The following ADGRE1 variants were observed in gnomAD, a reference collection of about 807,000 sequenced individuals.
ADGRE1 encodes EGF-like module receptor 1.
ADGRE1 carries 82 observed loss-of-function variants against 102.7 expected under a neutral mutation model. The observed-to-expected ratio is 0.80, with a 90% CI of 0.67 to 0.96. The LOEUF (loss-of-function observed/expected upper bound fraction) is 0.96. Ranked by LOEUF, ADGRE1 falls within the 40% of genes least tolerant of loss-of-function variation. The probability of loss-of-function intolerance (pLI) is 0.00; values close to 1 mark genes in which losing one functional copy is unlikely to be tolerated. For missense variants in ADGRE1, 1,032 were observed against 1,085.3 expected, an observed-to-expected ratio of 0.95 and a Z score of 0.69; for synonymous variants, 398 against 399.6, an observed-to-expected ratio of 1.00 and a Z score of 0.05.
intron 8 of ADGRE1, among the ~76,000 whole-genome samples, chr19:6,905,006 T>C (rs918542292): frequency 6.6e-6 from 1 of 151,788 alleles, no homozygotes; most frequent in African/African-American, 2.4e-5. Flanking sequence ...ACATATCTGA[T>C]GAAGTGGACA....
At chr19:6,935,169 T>C in intron 18 of ADGRE1, 91 bp downstream of exon 18, 1 of 934,104 alleles carries the variant, frequency 1.1e-6, no homozygotes. Flanking sequence ...TGCTGGGTCC[T>C]ATGCCTGAGA....
rs903291990 is a variant in ADGRE1 at position 6,924,824 on chromosome 19, C to G, written c.1938C>G (p.Leu646=). The part of the protein sequence containing the change: ...YLHLHLCVCL[L]LAKTLFLAGI... ...ACCTGCACCTCTGCGTGTGTCTCCT[C>G]TTGGCGAAGACTCTCTTCCTCGCCG... The change falls in exon 15 of 21, where the codon CTC becomes CTG. Residue 646 remains leucine, a synonymous_variant. Transcript: ENST00000312053. The G allele has an allele frequency of 1.2e-6, 2 of 1,614,052 alleles. No homozygotes were observed. Among genetic ancestry groups the G allele is most frequent in the Non-Finnish European group, 1.7e-6 (2 of 1,180,046 alleles).
intron 12 of ADGRE1, among the ~76,000 whole-genome samples, chr19:6,917,433 G>C (rs1435758275): frequency 6.6e-6 from 1 of 152,020 alleles, no homozygotes; most frequent in African/African-American, 2.4e-5. Context: ...GAATGTGGGG[G>C]AGAGAGGGAA....
chr19:6,924,761 G>A lies in ADGRE1; in HGVS notation c.1875G>A (p.Leu625=), dbSNP rs1255053367. ...TCGTCTTGGCCATCGCCACCTTTCT[G>A]CTGTGTCGCTCCATCCGAAATCACA... is the stretch of plus-strand genomic sequence containing the variant. ...VCLVLAIATF[L]LCRSIRNHNT... The change falls in exon 15 of 21, where the codon CTG becomes CTA. Residue 625 remains leucine (L), a synonymous_variant. Coordinates refer to ENST00000312053, the MANE Select transcript of ADGRE1 (RefSeq NM_001974.5). The A allele has an allele frequency of 1.2e-6, 2 of 1,613,912 alleles. No homozygotes were observed. The highest frequency in any genetic ancestry group is 8.5e-7 in the Non-Finnish European group (1 of 1,180,024).
At chr19:6,936,207 C>T (rs369382528) in intron 18 of ADGRE1, among the ~76,000 whole-genome samples, 3 of 152,224 alleles carry the variant, frequency 2.0e-5, no homozygotes, top group East Asian at 3.9e-4. Flanking sequence ...GAGGCTGAGG[C>T]AGGTGGATCA....
Position 6,903,846 on chromosome 19 carries a change from C to T in ADGRE1, c.698C>T (p.Ser233Leu), listed in dbSNP as rs757286816. Residue 233 changes from serine to leucine, a missense_variant, in exon 7 of 21, where the codon TCA becomes TTA. Coordinates refer to ENST00000312053, the MANE Select transcript of ADGRE1 (RefSeq NM_001974.5). Reference sequence around the variant, plus strand: ...TGCACTGAAATGTGCCCCATCAATTCAACATGCACCAACACTCCTGGGAGC... The same window carrying T: ...TGCACTGAAATGTGCCCCATCAATTTAACATGCACCAACACTCCTGGGAGC... ...DECTEMCPIN[S>L]TCTNTPGSYF... 2.5e-6 allele frequency: 4 copies of T among 1,614,180 alleles called. No homozygotes were observed. The South Asian group carries it at 3.3e-5, about 13-fold the overall frequency.
chr19:6,910,315 C>A (rs1344068397), intron 10 of ADGRE1, among the ~76,000 whole-genome samples: 1 of 151,942 alleles, frequency 6.6e-6, no homozygotes, highest in Non-Finnish European at 1.5e-5. Flanking sequence ...CCCGCTCCAC[C>A]CAAATTTCAA....
intron 10 of ADGRE1, among the ~76,000 whole-genome samples, chr19:6,911,894 A>G (rs562158574): frequency 2.6e-5 from 4 of 150,958 alleles, no homozygotes; most frequent in Non-Finnish European, 5.9e-5. Context: ...ACACACATAC[A>G]CCCCACACAC....
At position 6,928,084 on chromosome 19, in the gene ADGRE1, G is replaced by C. The variant is rs138165138; in HGVS notation, c.2223-61G>C. On this transcript the variant is annotated intron_variant, in intron 16 of 20. Coordinates refer to ENST00000312053, the MANE Select transcript of ADGRE1 (RefSeq NM_001974.5). ...CTCCACTAGGGCATTTGTTGGGACA[G>C]GGTTAACTGTAAGGTCAGGACTCTG... 473 of 1,568,238 alleles carry C rather than the reference G, an allele frequency of 3.0e-4. 1 individual carries two copies. The highest frequency in any genetic ancestry group is 1.6e-3 in the Middle Eastern group (9 of 5,626).
At chr19:6,923,852 C>CTTTTTTTTTTTTTT (rs2144991050) in intron 14 of ADGRE1, among the ~76,000 whole-genome samples, 1 of 150,356 alleles carries the variant, frequency 6.7e-6, no homozygotes, top group Non-Finnish European at 1.5e-5. Flanking sequence ...GGTCAGTTTT[C>CTTTTTTTTTTTTTT]TTAACCACTT....
At chr19:6,925,561 G>A (rs1974863444) in intron 15 of ADGRE1, among the ~76,000 whole-genome samples, 1 of 152,088 alleles carries the variant, frequency 6.6e-6, no homozygotes. Context: ...TAAAGGTTAG[G>A]GATACTGCTA....
chr19:6,916,380 C>G lies in ADGRE1; in HGVS notation c.1420+12C>G. The G allele has an allele frequency of 6.2e-7, 1 of 1,609,396 alleles. No homozygotes were observed. The highest frequency in any genetic ancestry group is 8.5e-7 in the Non-Finnish European group (1 of 1,177,724). Reference sequence around the variant, plus strand: ...ATCTGAATCCACAGGTACAGGTCCTCTCCTGAGAATGCAGGTTATGGTGTA... The same window carrying G: ...ATCTGAATCCACAGGTACAGGTCCTGTCCTGAGAATGCAGGTTATGGTGTA... On this transcript the variant is annotated intron_variant, in intron 12 of 20. Coordinates refer to ENST00000312053, the MANE Select transcript of ADGRE1 (RefSeq NM_001974.5).
At chr19:6,916,448 A>G in intron 12 of ADGRE1, 80 bp downstream of exon 12, 5 of 1,524,440 alleles carry the variant, frequency 3.3e-6, no homozygotes, top group Non-Finnish European at 3.5e-6. Flanking sequence ...AGGTGCCAAG[A>G]CCAGTGCCAG....
intron 12 of ADGRE1, among the ~76,000 whole-genome samples, chr19:6,917,960 G>A (rs1974461934): frequency 6.6e-6 from 1 of 152,118 alleles, no homozygotes; most frequent in Admixed American, 6.6e-5. Context: ...TTGTGAGGAA[G>A]CCAGTGGTCT....
rs949677797 is a variant in ADGRE1 at position 6,897,719 on chromosome 19, T to G, written c.514+172T>G. 3 of 647,360 alleles carry G rather than the reference T, an allele frequency of 4.6e-6. No individual in the cohort carries two copies. The African/African-American group carries it at 5.7e-5, about 12-fold the overall frequency. The allele number at this position is 647,360 out of a possible 1,614,324, so 40.1% of individuals were successfully genotyped here. A position where few individuals can be genotyped will look rare whatever the true frequency, so the allele number is the denominator to read the frequency against. Reference sequence around the variant, plus strand: ...TTTCTATCCCTTTACTTTGAGCCTGTGGGTGTCTTTACATGCTAGGTAGGT... The same window carrying G: ...TTTCTATCCCTTTACTTTGAGCCTGGGGGTGTCTTTACATGCTAGGTAGGT... On this transcript the variant is annotated intron_variant, in intron 5 of 20. Coordinates refer to ENST00000312053, the MANE Select transcript of ADGRE1 (RefSeq NM_001974.5).
chr19:6,929,092 T>G (rs1170844600), intron 17 of ADGRE1, among the ~76,000 whole-genome samples: 1 of 152,174 alleles, frequency 6.6e-6, no homozygotes, highest in African/African-American at 2.4e-5. Flanking sequence ...TGTGCACAGG[T>G]CCATGAGTCT....
chr19:6,926,650 G>A, intron 16 of ADGRE1, 49 bp downstream of exon 16: 1 of 1,581,450 alleles, frequency 6.3e-7, no homozygotes, highest in South Asian at 1.1e-5. Flanking sequence ...CAGGGCTTAT[G>A]GTGATAATGA....
chr19:6,888,780 C>A (rs1159151138), intron 1 of ADGRE1, among the ~76,000 whole-genome samples: 2 of 152,124 alleles, frequency 1.3e-5, no homozygotes, highest in Non-Finnish European at 2.9e-5. Context: ...GAGTTTAGAT[C>A]TGTGGGACTT....
At chr19:6,937,460 C>G in intron 19 of ADGRE1, 49 bp downstream of exon 19, 1 of 1,590,802 alleles carries the variant, frequency 6.3e-7, no homozygotes, top group Non-Finnish European at 8.6e-7. Context: ...CCCCCTCTCC[C>G]CCCTTCCCCA....
Sources: allele counts gnomAD v4.1 joint callset (sites outside exome capture counted in the v4.1 genomes callset), GRCh38; gene constraint gnomAD v4.1.1; transcripts MANE v1.5; gene names NCBI Gene and HGNC (gene_info 2026-07-23, HGNC 2026-07-21).